The following FCN2 variants were observed in gnomAD, a reference collection of about 807,000 sequenced individuals.
The protein encoded by FCN2 is ficolin-2.
FCN2 carries 31 observed loss-of-function variants against 32.5 expected under a neutral mutation model. That is an observed-to-expected ratio of 0.96 (90% CI 0.72 to 1.29). The LOEUF is 1.29. FCN2 is among the 50% of genes most tolerant of loss of function. The pLI, the probability that FCN2 is intolerant of heterozygous loss-of-function variation, is 0.00. For synonymous variants in FCN2, 181 were observed against 164.5 expected, an observed-to-expected ratio of 1.10 and a Z score of -0.77; for missense variants, 412 against 406.5, an observed-to-expected ratio of 1.01 and a Z score of -0.12.
upstream of FCN2, among the ~76,000 whole-genome samples, chr9:134,877,371 C>T (rs1830613147): frequency 6.6e-6 from 1 of 152,166 alleles, no homozygotes; most frequent in Non-Finnish European, 1.5e-5. Context: ...TTTCTAATTT[C>T]TCCTTTGGCC....
Position 134,884,979 on chromosome 9 carries a change from A to G in FCN2, c.301+207A>G, listed in dbSNP as rs974192621. On this transcript the variant is annotated intron_variant, in intron 4 of 7. Transcript: ENST00000291744. ...ATACACTCCATGGCAATTTTTTTCT[A>G]TTTATAATCTACGCCAGAAGGCCGG... Among the ~76,000 whole-genome samples the G allele has an allele frequency of 4.7e-4, 72 of 152,210 alleles. 2 individuals carry two copies. The highest frequency in any genetic ancestry group is 1.2e-4 in the Non-Finnish European group (8 of 68,016).
the FCN2 span, among the ~76,000 whole-genome samples, chr9:134,869,189 A>G: frequency 6.6e-6 from 1 of 152,134 alleles, no homozygotes; most frequent in African/African-American, 2.4e-5. Context: ...GTCCCTTGGG[A>G]CTCATGCATG....
chr9:134,876,726 C>G (rs1296110792), upstream of FCN2, among the ~76,000 whole-genome samples: 1 of 152,142 alleles, frequency 6.6e-6, no homozygotes, highest in Non-Finnish European at 1.5e-5. Flanking sequence ...TTACAGGTGC[C>G]TACCACCACA....
At position 134,885,249 on chromosome 9, in the gene FCN2, C is replaced by T; in HGVS notation, c.312C>T (p.Thr104=). The T allele has an allele frequency of 6.2e-7, 1 of 1,614,144 alleles. No homozygotes were observed. The highest frequency in any genetic ancestry group is 8.5e-7 in the Non-Finnish European group (1 of 1,180,020). The change falls in exon 5 of 8, where the codon ACC becomes ACT. Residue 104 remains threonine, a synonymous_variant. Coordinates refer to ENST00000291744, the MANE Select transcript of FCN2 (RefSeq NM_004108.3). ...EPQPCLTGPR[T]CKDLLDRGHF... Reference sequence around the variant, plus strand: ...GGGTTCCCTTCCCAGGCCCGCGTACCTGCAAGGACCTGCTAGACCGAGGGC... The same window carrying T: ...GGGTTCCCTTCCCAGGCCCGCGTACTTGCAAGGACCTGCTAGACCGAGGGC...
the FCN2 span, among the ~76,000 whole-genome samples, chr9:134,867,835 A>C: frequency 1.3e-5 from 2 of 152,276 alleles, no homozygotes; most frequent in African/African-American, 4.8e-5. Flanking sequence ...ATGCTTTGTC[A>C]GCCCCAATTC....
At chr9:134,874,066 C>T in the FCN2 span, among the ~76,000 whole-genome samples, 3 of 151,882 alleles carry the variant, frequency 2.0e-5, no homozygotes, top group Non-Finnish European at 2.9e-5. Context: ...AGGTGTGTGC[C>T]ACCACACGCG....
chr9:134,886,391 G>A (rs1308957518), intron 6 of FCN2, 39 bp from the exon 7 acceptor site: 2 of 1,613,564 alleles, frequency 1.2e-6, no homozygotes, highest in Non-Finnish European at 1.7e-6. Flanking sequence ...TAAAGGTAGA[G>A]AGCCCTTCCG....
chr9:134,884,775 G>A lies in FCN2; in HGVS notation c.301+3G>A, dbSNP rs1196088811. ...GGAGCCCCAGCCGTGCCTGACAGGTGACTGACCACCCCCACACTCCTCCCA... is the reference window on the plus strand; with the variant it reads ...GGAGCCCCAGCCGTGCCTGACAGGTAACTGACCACCCCCACACTCCTCCCA... On this transcript the variant is annotated splice_donor_region_variant and intron_variant, in intron 4 of 7. Transcript: ENST00000291744. The A allele has an allele frequency of 1.2e-6, 2 of 1,613,938 alleles. No individual in the cohort carries two copies. The highest frequency in any genetic ancestry group is 3.3e-5 in the Admixed American group (2 of 60,018).
At chr9:134,882,486 G>C in intron 1 of FCN2, 40 bp from the exon 2 acceptor site, 1 of 1,519,288 alleles carries the variant, frequency 6.6e-7, no homozygotes, top group Non-Finnish European at 9.1e-7. Context: ...GAGTCTTCAG[G>C]CCCAGGTGAC....
At chr9:134,869,325 C>G in the FCN2 span, among the ~76,000 whole-genome samples, 1 of 152,230 alleles carries the variant, frequency 6.6e-6, no homozygotes, top group African/African-American at 2.4e-5. Flanking sequence ...GAAAGGTCCT[C>G]CTCCCTCAAG....
At chr9:134,885,390 C>T (rs779776370) in intron 5 of FCN2, 24 bp downstream of exon 5, 150 of 1,610,022 alleles carry the variant, frequency 9.3e-5, no homozygotes, top group Middle Eastern at 6.7e-4. Flanking sequence ...TGGGCAGAGG[C>T]GGTCAGCCTG....
chr9:134,869,937 G>A, the FCN2 span, among the ~76,000 whole-genome samples: 1 of 152,136 alleles, frequency 6.6e-6, no homozygotes, highest in Non-Finnish European at 1.5e-5. Flanking sequence ...GATGGCTGCA[G>A]GAGGGGGGGG....
chr9:134,873,070 A>G, the FCN2 span, among the ~76,000 whole-genome samples: 1 of 150,926 alleles, frequency 6.6e-6, no homozygotes, highest in Non-Finnish European at 1.5e-5. Flanking sequence ...ATATCCGCAC[A>G]TCTTCTTCAG....
the FCN2 span, among the ~76,000 whole-genome samples, chr9:134,869,484 G>T: frequency 6.6e-6 from 1 of 152,094 alleles, no homozygotes; most frequent in African/African-American, 2.4e-5. Flanking sequence ...AGGGTGGAGG[G>T]TTCTCCCCAG....
chr9:134,871,549 C>T, the FCN2 span, among the ~76,000 whole-genome samples: 2 of 152,262 alleles, frequency 1.3e-5, no homozygotes, highest in Non-Finnish European at 2.9e-5. Context: ...TCACCCCTCT[C>T]TGGCTCTGGG....
chr9:134,879,084 C>T (rs1830629331), upstream of FCN2, among the ~76,000 whole-genome samples: 1 of 152,178 alleles, frequency 6.6e-6, no homozygotes, highest in Non-Finnish European at 1.5e-5. Flanking sequence ...TGAATATGAA[C>T]TGCTAGAAAT....
chr9:134,880,571 G>A (rs55809110), upstream of FCN2, among the ~76,000 whole-genome samples: 3,805 of 152,170 alleles, frequency 0.025, 133 homozygotes, highest in African/African-American at 0.086. Context: ...TTTGCCCAAG[G>A]CCACAAGCAA....
chr9:134,867,821 G>A, the FCN2 span, among the ~76,000 whole-genome samples: 24 of 152,238 alleles, frequency 1.6e-4, no homozygotes, highest in East Asian at 1.4e-3. Context: ...GTCTGGGAGG[G>A]AAAATGCTTT....
At chr9:134,876,018 T>G (rs533938190), upstream of FCN2, among the ~76,000 whole-genome samples, 1 of 152,338 alleles carries the variant, frequency 6.6e-6, no homozygotes, top group Admixed American at 6.5e-5. Flanking sequence ...TGTTCAAATC[T>G]TTTTCTGTTT....
Sources: gnomAD v4.1 joint callset for allele counts (sites outside exome capture counted in the v4.1 genomes callset) on GRCh38, gnomAD v4.1.1 for gene constraint, MANE v1.5 for transcripts, NCBI Gene and HGNC (gene_info 2026-07-23, HGNC 2026-07-21) for gene names.